The following VPS4A variants were observed in gnomAD, a reference collection of about 807,000 sequenced individuals.
The protein encoded by VPS4A is vacuolar protein sorting-associated protein 4A.
Under a neutral mutation model 52.3 loss-of-function variants are expected in VPS4A, and 20 were observed. The ratio of observed to expected loss-of-function variants is 0.38; its 90% CI spans 0.27 to 0.56. The LOEUF (loss-of-function observed/expected upper bound fraction) is 0.56, where lower values mean the gene tolerates loss of function less well. Ranked by LOEUF, VPS4A falls within the 20% of genes least tolerant of loss-of-function variation. The pLI is 0.72. For missense variants in VPS4A, 419 were observed against 575.9 expected, an observed-to-expected ratio of 0.73 and a Z score of 2.79; for synonymous variants, 293 against 227.7, an observed-to-expected ratio of 1.29 and a Z score of -2.58.
In VPS4A at chr16:69,326,314, AC is replaced by A. The variant is rs1965594136; in HGVS notation, c.*2009del. 6.6e-6 allele frequency: 1 copy of A among 152,132 alleles called. No individual in the cohort carries two copies. Among genetic ancestry groups the A allele is most frequent in the African/African-American group, 2.4e-5 (1 of 41,422 alleles). The allele number at this position is 152,132 out of a possible 1,614,324, so 9.4% of individuals were successfully genotyped here. A position where few individuals can be genotyped will look rare whatever the true frequency, so the allele number is the denominator to read the frequency against. On this transcript the variant is annotated 3_prime_UTR_variant, in exon 11 of 11. Transcript: ENST00000254950. ...CACTTGGCTCCAGTGCTGGCAGGTT[AC>A]CCCTCAACCATAGCAGCTGGGATCT...
Position 69,319,533 on chromosome 16 carries a change from G to T in VPS4A, c.610G>T (p.Glu204Ter). 6.2e-7 allele frequency: 1 copy of T among 1,613,042 alleles called. No individual in the cohort carries two copies. Among genetic ancestry groups the T allele is most frequent in the Non-Finnish European group, 8.5e-7 (1 of 1,179,548 alleles). Residue 204 changes from glutamate (E) to a stop codon, truncating the protein, a stop_gained, in exon 6 of 11, where the codon GAG becomes TAG. Coordinates refer to ENST00000254950, the MANE Select transcript of VPS4A (RefSeq NM_013245.3). LOFTEE classifies it high-confidence loss of function. Reference protein sequence around the residue: ...SSDLMSKWLGESEKLVKNLFE... With the variant: ...SSDLMSKWLG ...AGATCTGATGTCCAAGTGGCTGGGG[G>T]AGAGTGAAAAGTAAGTCGGCCACCA...
In VPS4A at chr16:69,318,774, C is replaced by T. The variant is rs765511408; in HGVS notation, c.344-49C>T. ...GAGAGTGGGTCCGCTGCTGGGTTGG[C>T]TCATGCCCCTTGGCCGGGCCCGGGC... On this transcript the variant is annotated intron_variant, in intron 4 of 10. Transcript: ENST00000254950. The T allele has an allele frequency of 6.8e-6, 11 of 1,612,740 alleles. No homozygotes were observed. In the East Asian group the frequency reaches 2.0e-4, roughly 29 times the overall value.
At chr16:69,319,304 G>A (rs1206261190) in intron 5 of VPS4A, 83 bp from the exon 6 acceptor site, 11 of 1,556,634 alleles carry the variant, frequency 7.1e-6, no homozygotes, top group East Asian at 4.5e-5. Context: ...CTGTTTTACT[G>A]TATGTATGGG....
At chr16:69,319,247 C>T (rs1215754029) in intron 5 of VPS4A, 140 bp from the exon 6 acceptor site, 1 of 1,254,788 alleles carries the variant, frequency 8.0e-7, no homozygotes, top group Non-Finnish European at 1.1e-6. Context: ...GGGAATGTAG[C>T]TCCCATCACT....
At chr16:69,316,534 C>T (rs1253094860) in intron 3 of VPS4A, among the ~76,000 whole-genome samples, 162 bp downstream of exon 3, 2 of 152,126 alleles carry the variant, frequency 1.3e-5, no homozygotes, top group Admixed American at 6.5e-5. Context: ...TGGAGCACTT[C>T]CATGTTCACC....
Position 69,321,105 on chromosome 16 carries a change from G to A in VPS4A, c.906G>A (p.Met302Ile), listed in dbSNP as rs1472757773. Residue 302 changes from methionine to isoleucine, a missense_variant, in exon 9 of 11, where the codon ATG (methionine) becomes ATA (isoleucine). Met to Ile is a conservative substitution (Grantham distance 10). Transcript: ENST00000254950. The surrounding 1 kb of genome is among the most constrained non-coding windows in gnomAD (Gnocchi z 4.5). Reference protein sequence around the residue: ...PLPEEAARAQMFRLHLGSTPH... With the variant: ...PLPEEAARAQIFRLHLGSTPH... ...CGGAGGAAGCTGCCCGCGCCCAGAT[G>A]TTCCGGTTGCATCTCGGGAGCACTC... The A allele has an allele frequency of 6.3e-7, 1 of 1,597,240 alleles. No individual in the cohort carries two copies. Among genetic ancestry groups the A allele is most frequent in the Non-Finnish European group, 8.5e-7 (1 of 1,172,100 alleles).
intron 6 of VPS4A, 113 bp downstream of exon 6, chr16:69,319,656 A>T (rs2143261227): frequency 1.5e-6 from 2 of 1,376,776 alleles, no homozygotes; most frequent in Non-Finnish European, 2.0e-6. Flanking sequence ...CAGGGAGGGT[A>T]CCCAAGAGCA....
chr16:69,320,602 C>G lies in VPS4A; in HGVS notation c.770-86C>G, dbSNP rs1965498044. ...ACAGGGATGGCTTCAATTGCTGACA[C>G]ACAAAGCCCCCGGGGTCTGTCCCCA... On this transcript the variant is annotated intron_variant, in intron 7 of 10. Transcript: ENST00000254950. The surrounding 1 kb of genome is among the most constrained non-coding windows in gnomAD (Gnocchi z 4.2). 8.2e-7 allele frequency: 1 copy of G among 1,219,990 alleles called. No individual in the cohort carries two copies. Among genetic ancestry groups the G allele is most frequent in the African/African-American group, 1.5e-5 (1 of 66,228 alleles). The allele number at this position is 1,219,990 out of a possible 1,614,324, so 75.6% of individuals were successfully genotyped here.
rs1272926938 is a variant in VPS4A, at chr16:69,325,303, A to C, written c.*994A>C. The C allele has an allele frequency of 1.3e-5, 2 of 152,234 alleles. No individual in the cohort carries two copies. Among genetic ancestry groups the C allele is most frequent in the African/African-American group, 4.8e-5 (2 of 41,444 alleles). 9.4% of individuals were successfully genotyped at this position (152,234 alleles called of 1,614,324 possible). ...TTCGGCCTACAGATCAGAGACTGCA[A>C]AGTGGGAGCCCTGCGTACCAGACCC... is the stretch of plus-strand genomic sequence containing the variant. On this transcript the variant is annotated 3_prime_UTR_variant, in exon 11 of 11. Coordinates refer to ENST00000254950, the MANE Select transcript of VPS4A (RefSeq NM_013245.3).
chr16:69,315,090 C>T (rs1965419794), intron 1 of VPS4A, among the ~76,000 whole-genome samples: 1 of 151,940 alleles, frequency 6.6e-6, no homozygotes, highest in Non-Finnish European at 1.5e-5. Flanking sequence ...AAAAATTAGC[C>T]GGATGTAGTG....
In VPS4A at chr16:69,320,237, TGA is replaced by T. The variant is rs1057520199; in HGVS notation, c.721_722del (p.Ser241Ter). The T allele has an allele frequency of 6.2e-7, 1 of 1,613,596 alleles. No homozygotes were observed. Among genetic ancestry groups the T allele is most frequent in the Admixed American group, 1.7e-5 (1 of 60,008 alleles). On this transcript the variant is annotated frameshift_variant, in exon 7 of 11. Transcript: ENST00000254950. LOFTEE classifies it high-confidence loss of function. This position sits in a 1 kb window ranked among gnomAD's most constrained non-coding sequence, Gnocchi z 4.2. ...CCCTCTGCGGGTCCCGAAATGAAAATGAGAGTGAGGCCGCCCGGAGGATCAAA... is the reference window on the plus strand; with the variant it reads ...CCCTCTGCGGGTCCCGAAATGAAAATGAGTGAGGCCGCCCGGAGGATCAAA... The part of the protein sequence containing the change: ...DSLCGSRNEN[E>X]SEAARRIKTE...
At chr16:69,322,799 G>A (rs1252191378) in intron 10 of VPS4A, 99 bp downstream of exon 10, 3 of 1,456,204 alleles carry the variant, frequency 2.1e-6, no homozygotes, top group East Asian at 2.3e-5. Context: ...GCCAGGCATG[G>A]TAGCTCACGC....
rs571556809 is a variant in VPS4A at position 69,320,635 on chromosome 16, A to T, written c.770-53A>T. The T allele has an allele frequency of 6.6e-7, 1 of 1,508,016 alleles. No individual in the cohort carries two copies. The highest frequency in any genetic ancestry group is 1.2e-5 in the South Asian group (1 of 82,462). The allele number at this position is 1,508,016 out of a possible 1,614,324, so 93.4% of individuals were successfully genotyped here. On this transcript the variant is annotated intron_variant, in intron 7 of 10. Transcript: ENST00000254950. This position sits in a 1 kb window ranked among gnomAD's most constrained non-coding sequence, Gnocchi z 4.2. The stretch of plus-strand genomic sequence containing the variant: ...CCCCGGGGTCTGTCCCCAGGTTTCA[A>T]CTGACCCGTGCAGGTGTCCAGAGTC...
chr16:69,320,062 T>C lies in VPS4A; in HGVS notation c.621-79T>C. The C allele has an allele frequency of 1.3e-6, 2 of 1,508,928 alleles. No individual in the cohort carries two copies. Among genetic ancestry groups the C allele is most frequent in the Non-Finnish European group, 1.8e-6 (2 of 1,118,648 alleles). The allele number at this position is 1,508,928 out of a possible 1,614,324, so 93.5% of individuals were successfully genotyped here. A position where few individuals can be genotyped will look rare whatever the true frequency, so the allele number is the denominator to read the frequency against. On this transcript the variant is annotated intron_variant, in intron 6 of 10. Transcript: ENST00000254950. The surrounding 1 kb of genome is among the most constrained non-coding windows in gnomAD (Gnocchi z 4.2). ...GGCCTGCGCCTCCCTGTGGGAAGGG[T>C]GAGAAGAGGGAAGTGCCGGGAGCCC...
At position 69,311,502 on chromosome 16, in the gene VPS4A, A is replaced by T; in HGVS notation, c.-10A>T. The T allele has an allele frequency of 7.4e-7, 1 of 1,353,250 alleles. No homozygotes were observed. The highest frequency in any genetic ancestry group is 9.6e-7 in the Non-Finnish European group (1 of 1,039,562). The allele number at this position is 1,353,250 out of a possible 1,614,324, so 83.8% of individuals were successfully genotyped here. On this transcript the variant is annotated 5_prime_UTR_variant, in exon 1 of 11. Coordinates refer to ENST00000254950, the MANE Select transcript of VPS4A (RefSeq NM_013245.3). ...GCGCCGCGGGGTGTGGGGCGGACCCAGGAGATGAAATGACAACGTCAACCC... is the reference window on the plus strand; with the variant it reads ...GCGCCGCGGGGTGTGGGGCGGACCCTGGAGATGAAATGACAACGTCAACCC...
chr16:69,311,590 GC>G, intron 1 of VPS4A, 58 bp downstream of exon 1: 1 of 1,238,812 alleles, frequency 8.1e-7, no homozygotes, highest in South Asian at 3.4e-5. Flanking sequence ...CCTGCGGGCC[GC>G]AGAGCCGGGC....
intron 10 of VPS4A, 76 bp from the exon 11 acceptor site, chr16:69,324,132 C>A: frequency 6.9e-7 from 1 of 1,443,532 alleles, no homozygotes; most frequent in Non-Finnish European, 9.6e-7. Flanking sequence ...CCCTCAGCTG[C>A]GCCTGTTGTG....
chr16:69,314,578 T>C (rs1409190847), intron 1 of VPS4A, among the ~76,000 whole-genome samples: 1 of 152,150 alleles, frequency 6.6e-6, no homozygotes, highest in Non-Finnish European at 1.5e-5. Context: ...TTGTAGGTAG[T>C]AGAGGGAGCA....
intron 2 of VPS4A, 24 bp from the exon 3 acceptor site, chr16:69,316,201 G>GC (rs1965434497): frequency 5.6e-6 from 9 of 1,613,068 alleles, no homozygotes; most frequent in Non-Finnish European, 7.6e-6. Context: ...CCTCACAGGG[G>GC]CCCCTCTGTG....
Sources: gnomAD v4.1 joint callset for allele counts (sites outside exome capture counted in the v4.1 genomes callset) on GRCh38, gnomAD v4.1.1 for gene constraint, Gnocchi (gnomAD v3.1) non-coding constraint, MANE v1.5 for transcripts, NCBI Gene and HGNC (gene_info 2026-07-23, HGNC 2026-07-21) for gene names.